Variants in KLHL3 observed in about 807,000 individuals in gnomAD.
KLHL3 encodes kelch like family member 3.
A neutral mutation model predicts 70.5 loss-of-function variants in KLHL3; 19 were observed. That is an observed-to-expected ratio of 0.27 (90% CI 0.19 to 0.40). The LOEUF is 0.40. Ranked by LOEUF, KLHL3 falls within the 10% of genes least tolerant of loss-of-function variation. The pLI is 1.00. For missense variants in KLHL3, 512 were observed against 771.1 expected (o/e 0.66, Z 3.98); for synonymous variants, 258 against 290.3 (o/e 0.89, Z 1.13).
chr5:137,633,966 A>C, intron 12 of KLHL3, 71 bp downstream of exon 12: 1 of 1,601,558 alleles, frequency 6.2e-7, no homozygotes, highest in Non-Finnish European at 8.5e-7. Flanking sequence ...AATCTAAAAT[A>C]AAACAAAAAA....
At chr5:137,709,893 G>T in intron 2 of KLHL3, 37 bp from the exon 3 acceptor site, 2 of 1,513,382 alleles carry the variant, frequency 1.3e-6, no homozygotes, top group Non-Finnish European at 1.8e-6. Context: ...ATGGGTTGCA[G>T]CAAGGACACC....
At chr5:137,693,918 A>C (rs1752383937) in intron 4 of KLHL3, among the ~76,000 whole-genome samples, 1 of 151,280 alleles carries the variant, frequency 6.6e-6, no homozygotes. Context: ...GACAGCTCTG[A>C]GTCCTCAGCT....
chr5:137,650,544 G>C (rs571828208), intron 8 of KLHL3, among the ~76,000 whole-genome samples: 3 of 152,310 alleles, frequency 2.0e-5, no homozygotes, highest in African/African-American at 7.2e-5. Flanking sequence ...AATTGGCAAG[G>C]CACGGTGGCT....
intron 3 of KLHL3, 99 bp downstream of exon 3, chr5:137,709,651 C>A (rs1224430488): frequency 3.3e-6 from 3 of 913,472 alleles, no homozygotes; most frequent in Non-Finnish European, 5.3e-6. Context: ...GGGCTAATGG[C>A]TTTCTCTTTC....
At chr5:137,710,643 G>C (rs1237015346) in intron 2 of KLHL3, among the ~76,000 whole-genome samples, 5 of 152,130 alleles carry the variant, frequency 3.3e-5, no homozygotes, top group Admixed American at 2.6e-4. Flanking sequence ...GACTACTTTA[G>C]AGATTGATAG....
intron 8 of KLHL3, among the ~76,000 whole-genome samples, chr5:137,648,649 T>A (rs1381882094): frequency 6.6e-6 from 1 of 152,244 alleles, no homozygotes; most frequent in Non-Finnish European, 1.5e-5. Flanking sequence ...TGTGTCAGTA[T>A]GCTCTGTGCA....
rs1659308601 is a variant in KLHL3 at position 137,677,568 on chromosome 5, G to C, written c.613C>G (p.Leu205Val). 1 of 1,604,684 alleles carries C rather than the reference G, an allele frequency of 6.2e-7. No homozygotes were observed. The highest frequency in any genetic ancestry group is 1.7e-5 in the Admixed American group (1 of 58,424). Residue 205 changes from leucine to valine, a missense_variant, in exon 6 of 15, where the codon CTG becomes GTG. Coordinates refer to ENST00000309755, the MANE Select transcript of KLHL3 (RefSeq NM_017415.3). ...ACCTTCTCTTCTGAAGAAACGGTCA[G>C]CTTGTCGCTGGATATCAAGCTGCAC... Reference protein sequence around the residue: ...QVCSLISSDKLTVSSEEKVFE... With the variant: ...QVCSLISSDKVTVSSEEKVFE...
At chr5:137,685,252 C>A (rs1752133664) in intron 5 of KLHL3, among the ~76,000 whole-genome samples, 3 of 152,194 alleles carry the variant, frequency 2.0e-5, no homozygotes, top group South Asian at 4.1e-4. Flanking sequence ...TACAAGAATT[C>A]TCATGGAAGC....
chr5:137,663,454 ACATCCTCCCATATACTTTAAAT>A (rs1163352952), intron 6 of KLHL3, among the ~76,000 whole-genome samples: 11 of 151,838 alleles, frequency 7.2e-5, no homozygotes, highest in African/African-American at 2.4e-4. Context: ...TAACCTCCGC[ACATCCTCCCATATACTTTAAAT>A]CATCCTCCCA....
intron 5 of KLHL3, 108 bp downstream of exon 5, chr5:137,692,177 C>T: frequency 1.0e-6 from 1 of 957,110 alleles, no homozygotes; most frequent in South Asian, 1.7e-5. Context: ...TAAATCATAG[C>T]TGCTTCACAG....
Position 137,620,230 on chromosome 5 carries a change from T to C in KLHL3, c.*1868A>G, listed in dbSNP as rs1756356105. Reference sequence around the variant, plus strand: ...CTCTTCTGAAGGCTTCTAAAAATTCTGGGTACCTTGTTGTTCTCCAAGCAT... The same window carrying C: ...CTCTTCTGAAGGCTTCTAAAAATTCCGGGTACCTTGTTGTTCTCCAAGCAT... On this transcript the variant is annotated 3_prime_UTR_variant, in exon 15 of 15. Coordinates refer to ENST00000309755, the MANE Select transcript of KLHL3 (RefSeq NM_017415.3). 6.6e-6 allele frequency: 1 copy of C among 152,278 alleles called. No homozygotes were observed. The highest frequency in any genetic ancestry group is 1.5e-5 in the Non-Finnish European group (1 of 68,048). The allele number at this position is 152,278 out of a possible 1,614,324, so 9.4% of individuals were successfully genotyped here.
chr5:137,709,855 T>C lies in KLHL3; in HGVS notation c.136A>G (p.Lys46Glu). The part of the protein sequence containing the change: ...AFKVMNELRS[K>E]QLLCDVMIVA... ...ATCATCACGTCACACAACAGCTGTT[T>C]ACTGTAAGACACCAGTGAGAGGACA... The change falls in exon 3 of 15, where the codon AAA becomes GAA. Residue 46 changes from lysine to glutamate, a missense_variant and splice_region_variant. Lys to Glu is a moderately conservative substitution (Grantham distance 56). Coordinates refer to ENST00000309755, the MANE Select transcript of KLHL3 (RefSeq NM_017415.3). The C allele has an allele frequency of 1.2e-6, 2 of 1,612,578 alleles. No individual in the cohort carries two copies. Among genetic ancestry groups the C allele is most frequent in the Non-Finnish European group, 1.7e-6 (2 of 1,178,682 alleles).
intron 1 of KLHL3, among the ~76,000 whole-genome samples, chr5:137,727,725 T>C (rs1352177363): frequency 6.6e-6 from 1 of 152,128 alleles, no homozygotes; most frequent in Non-Finnish European, 1.5e-5. Context: ...TTAGTTAAAA[T>C]CTAGTGGGAA....
chr5:137,626,287 G>A (rs1170512935), intron 13 of KLHL3, among the ~76,000 whole-genome samples: 3 of 152,182 alleles, frequency 2.0e-5, no homozygotes, highest in Non-Finnish European at 2.9e-5. Flanking sequence ...GGGACTTCAT[G>A]CATGCTACTC....
At chr5:137,697,951 G>A (rs964064494) in intron 4 of KLHL3, among the ~76,000 whole-genome samples, 13 of 152,180 alleles carry the variant, frequency 8.5e-5, no homozygotes, top group African/African-American at 3.1e-4. Context: ...CGATGACCTG[G>A]GGAGAATAGG....
intron 11 of KLHL3, among the ~76,000 whole-genome samples, chr5:137,635,791 C>T (rs550118781): frequency 1.4e-4 from 21 of 152,298 alleles, no homozygotes; most frequent in African/African-American, 5.1e-4. Flanking sequence ...TCCACGTCAA[C>T]AGGGCATGCT....
chr5:137,686,889 T>TAGTGTGCA lies in KLHL3; in HGVS notation c.526+5395_526+5396insTGCACACT, dbSNP rs368611403. Among the ~76,000 whole-genome samples the TAGTGTGCA allele has an allele frequency of 1.6e-3, 93 of 59,528 alleles. 4 individuals carry two copies. The highest frequency in any genetic ancestry group is 7.2e-3 in the Middle Eastern group (1 of 138). The allele number at this position is 59,528 out of a possible 152,430, so 39.1% of individuals were successfully genotyped here. A position where few individuals can be genotyped will look rare whatever the true frequency, so the allele number is the denominator to read the frequency against. On this transcript the variant is annotated intron_variant, in intron 5 of 14. Coordinates refer to ENST00000309755, the MANE Select transcript of KLHL3 (RefSeq NM_017415.3). ...TACTACTTTAAAAATATTACCTCCC[T>TAGTGTGCA]GAGGGGCGCCTCTGCCCGGCCGCCC...
intron 5 of KLHL3, among the ~76,000 whole-genome samples, chr5:137,683,282 T>A (rs1326339139): frequency 6.6e-6 from 1 of 152,028 alleles, no homozygotes; most frequent in Non-Finnish European, 1.5e-5. Flanking sequence ...ATAAACCCCA[T>A]AAGCCCCATA....
At chr5:137,732,097 G>A (rs1753187778) in intron 1 of KLHL3, among the ~76,000 whole-genome samples, 1 of 152,112 alleles carries the variant, frequency 6.6e-6, no homozygotes, top group African/African-American at 2.4e-5. Flanking sequence ...CTATCCACAA[G>A]GCTGATTTCC....
Sources: allele counts gnomAD v4.1 joint callset (sites outside exome capture counted in the v4.1 genomes callset), GRCh38; gene constraint gnomAD v4.1.1; transcripts MANE v1.5; gene names NCBI Gene and HGNC (gene_info 2026-07-23, HGNC 2026-07-21).